PTPRK: variants seen among roughly 807,000 people sequenced by gnomAD.
PTPRK encodes the protein protein tyrosine phosphatase receptor type K.
Under a neutral mutation model 178.0 loss-of-function variants are expected in PTPRK, and 75 were observed. The ratio of observed to expected loss-of-function variants is 0.42; its 90% confidence interval spans 0.35 to 0.51. PTPRK has a LOEUF of 0.51. Ranked by LOEUF, PTPRK falls within the 20% of genes least tolerant of loss-of-function variation. The pLI is 0.02. For missense variants in PTPRK, 1,441 were observed against 1,797.8 expected, an observed-to-expected ratio of 0.80 and a Z score of 3.59; for synonymous variants, 637 against 620.6, an observed-to-expected ratio of 1.03 and a Z score of -0.39.
chr6:128,207,660 G>A (rs191886493), intron 6 of PTPRK, among the ~76,000 whole-genome samples: 9 of 152,092 alleles, frequency 5.9e-5, no homozygotes, highest in East Asian at 3.9e-4. Flanking sequence ...TTTCAAAAAC[G>A]TTTCACAATA....
Position 128,145,551 on chromosome 6 carries a change from AATAT to A in PTPRK, c.1162+38877_1162+38880del, listed in dbSNP as rs567609056. On this transcript the variant is annotated intron_variant, in intron 7 of 29. Transcript: ENST00000368226. ...TTGTGTACTCCCCCATGAAAAAATA[AATAT>A]ATATAGGTGAAATTCAGAATATGAA... Among the ~76,000 whole-genome samples the A allele has an allele frequency of 2.9e-3, 434 of 152,212 alleles. 3 individuals are homozygous for A. Among genetic ancestry groups the A allele is most frequent in the Non-Finnish European group, 4.8e-3 (329 of 67,992 alleles).
chr6:128,314,578 G>C (rs1827744273), intron 3 of PTPRK, among the ~76,000 whole-genome samples: 1 of 152,080 alleles, frequency 6.6e-6, no homozygotes, highest in Admixed American at 6.6e-5. Flanking sequence ...ACTAGCTCTA[G>C]TTGGTGTCTG....
At chr6:128,433,243 C>T (rs1845068134) in intron 1 of PTPRK, among the ~76,000 whole-genome samples, 1 of 152,054 alleles carries the variant, frequency 6.6e-6, no homozygotes, top group African/African-American at 2.4e-5. Context: ...ATCCATCAAC[C>T]AACCCCTCTT....
chr6:128,401,811 G>A (rs556662916), intron 1 of PTPRK, among the ~76,000 whole-genome samples: 11 of 152,294 alleles, frequency 7.2e-5, no homozygotes, highest in African/African-American at 2.6e-4. Context: ...TAAAAAGAAA[G>A]TCCAAGACAA....
chr6:128,108,826 C>T (rs1168640186), intron 7 of PTPRK, among the ~76,000 whole-genome samples: 3 of 152,024 alleles, frequency 2.0e-5, no homozygotes, highest in Non-Finnish European at 4.4e-5. Context: ...GTACCTCTTC[C>T]AGATTACAGA....
chr6:128,107,060 A>C (rs1469896188), intron 7 of PTPRK, among the ~76,000 whole-genome samples: 3 of 152,142 alleles, frequency 2.0e-5, no homozygotes, highest in African/African-American at 7.2e-5. Context: ...GATTTGTCTT[A>C]AATACAAGAC....
At chr6:128,428,021 A>T (rs2128391610) in intron 1 of PTPRK, among the ~76,000 whole-genome samples, 2 of 152,182 alleles carry the variant, frequency 1.3e-5, no homozygotes, top group Middle Eastern at 6.8e-3. Context: ...TGAACCCGGG[A>T]GGCGGAGATT....
chr6:128,368,391 A>G (rs1460486606), intron 2 of PTPRK, among the ~76,000 whole-genome samples: 2 of 126,600 alleles, frequency 1.6e-5, no homozygotes, highest in Admixed American at 7.8e-5. Flanking sequence ...TTAAAAAAGA[A>G]AAAAAAAAAA....
intron 3 of PTPRK, among the ~76,000 whole-genome samples, chr6:128,273,226 G>A (rs1220949243): frequency 1.3e-5 from 2 of 151,946 alleles, no homozygotes; most frequent in Non-Finnish European, 2.9e-5. Context: ...GGGGGAGTGG[G>A]GAGGGATAGC....
chr6:128,083,737 T>C lies in PTPRK; in HGVS notation c.1553A>G (p.Asn518Ser), dbSNP rs746824856. The change falls in exon 9 of 30, where the codon AAT becomes AGT. Residue 518 changes from asparagine to serine, a missense_variant. Asn to Ser is a conservative substitution (Grantham distance 46). Coordinates refer to ENST00000368226, the MANE Select transcript of PTPRK (RefSeq NM_002844.4). ...FLNWKEPLDP[N>S]GIITQYEISY... ...TACCTCATATTGAGTGATGATTCCATTTGGATCCAAAGGTTCTTTCCAGTT... is the reference window on the plus strand; with the variant it reads ...TACCTCATATTGAGTGATGATTCCACTTGGATCCAAAGGTTCTTTCCAGTT... 6.2e-7 allele frequency: 1 copy of C among 1,600,634 alleles called. No individual in the cohort carries two copies. Among genetic ancestry groups the C allele is most frequent in the South Asian group, 1.1e-5 (1 of 90,074 alleles).
chr6:128,098,758 T>C (rs1488167103), intron 7 of PTPRK, among the ~76,000 whole-genome samples: 1 of 152,224 alleles, frequency 6.6e-6, no homozygotes, highest in Non-Finnish European at 1.5e-5. Context: ...TGCATTTCTA[T>C]ACTAATCTGT....
chr6:128,514,357 T>C (rs1193828341), intron 1 of PTPRK, among the ~76,000 whole-genome samples: 1 of 148,234 alleles, frequency 6.7e-6, no homozygotes, highest in Non-Finnish European at 1.5e-5. Context: ...AACTAAGTCC[T>C]AGCATTGTTA....
intron 2 of PTPRK, among the ~76,000 whole-genome samples, chr6:128,357,195 C>G (rs1834074562): frequency 6.6e-6 from 1 of 152,130 alleles, no homozygotes. Flanking sequence ...CCTGTATTTT[C>G]AATTACCTAA....
At chr6:128,201,531 C>G (rs1296233026) in intron 6 of PTPRK, among the ~76,000 whole-genome samples, 4 of 152,154 alleles carry the variant, frequency 2.6e-5, no homozygotes, top group Admixed American at 2.6e-4. Context: ...AAGGAACACA[C>G]GTCTCCTGTT....
At chr6:128,520,032 G>C (rs1371275736) in intron 1 of PTPRK, among the ~76,000 whole-genome samples, 3 of 152,188 alleles carry the variant, frequency 2.0e-5, no homozygotes, top group Non-Finnish European at 4.4e-5. Flanking sequence ...TCTCCGGCTA[G>C]ACCGTGCCAG....
At chr6:128,171,443 G>A (rs975005772) in intron 7 of PTPRK, among the ~76,000 whole-genome samples, 1 of 151,974 alleles carries the variant, frequency 6.6e-6, no homozygotes, top group African/African-American at 2.4e-5. Context: ...TTTCAAGGCA[G>A]GCACTTGTAA....
At chr6:128,493,377 A>G (rs1854136530) in intron 1 of PTPRK, among the ~76,000 whole-genome samples, 1 of 152,090 alleles carries the variant, frequency 6.6e-6, no homozygotes, top group African/African-American at 2.4e-5. Flanking sequence ...CCTGGCTAAC[A>G]CAGTGAAACC....
rs556467668 is a variant in PTPRK, at chr6:128,514,174, CAGTAT to C, written c.100+6080_100+6084del. Among the ~76,000 whole-genome samples, 4 of 152,272 alleles carry C rather than the reference CAGTAT, an allele frequency of 2.6e-5. No individual in the cohort carries two copies. In the South Asian group the frequency reaches 8.3e-4, roughly 32 times the overall value. On this transcript the variant is annotated intron_variant, in intron 1 of 29. Coordinates refer to ENST00000368226, the MANE Select transcript of PTPRK (RefSeq NM_002844.4). ...TATTATTTTATCCTTAAAAGTATAA[CAGTAT>C]AGTATAGTATACAGTATAGATTATA...
intron 2 of PTPRK, among the ~76,000 whole-genome samples, chr6:128,353,308 A>T (rs1234907577): frequency 1.3e-5 from 2 of 152,226 alleles, no homozygotes; most frequent in African/African-American, 4.8e-5. Flanking sequence ...GCTTGACAGT[A>T]TTTTATGAAA....
Sources: gnomAD v4.1 joint callset for allele counts (sites outside exome capture counted in the v4.1 genomes callset) on GRCh38, gnomAD v4.1.1 for gene constraint, MANE v1.5 for transcripts, NCBI Gene and HGNC (gene_info 2026-07-23, HGNC 2026-07-21) for gene names.